TMEM132D: variants seen among roughly 807,000 people sequenced by gnomAD.
TMEM132D encodes transmembrane protein 132D.
Under a neutral mutation model 62.3 loss-of-function variants are expected in TMEM132D, and 21 were observed. The observed-to-expected ratio is 0.34, with a 90% CI of 0.24 to 0.49. TMEM132D has a LOEUF of 0.49. Ranked by LOEUF, TMEM132D falls within the 20% of genes least tolerant of loss-of-function variation. TMEM132D has a pLI of 0.99. For synonymous variants in TMEM132D, 621 were observed against 575.6 expected, an observed-to-expected ratio of 1.08 and a Z score of -1.13; for missense variants, 1,346 against 1,402.8, an observed-to-expected ratio of 0.96 and a Z score of 0.65.
rs563949904 is a variant in TMEM132D, at chr12:129,776,077, A to C, written c.80-75379T>G. On this transcript the variant is annotated intron_variant, in intron 1 of 8. Transcript: ENST00000422113. ...AATATTGTGTCGTGCTGGTGATTTC[A>C]ACCGAATAATTCCAGGAAGGCTGGA... 5.9e-5 allele frequency among the ~76,000 whole-genome samples: 9 copies of C among 152,272 alleles called. No homozygotes were observed. In the South Asian group the frequency reaches 1.9e-3, roughly 32 times the overall value.
chr12:129,406,060 TTCA>T (rs1473812750), intron 3 of TMEM132D, among the ~76,000 whole-genome samples: 2 of 152,220 alleles, frequency 1.3e-5, no homozygotes, highest in Non-Finnish European at 2.9e-5. Context: ...TAAACACACA[TTCA>T]TTTCATGATG....
intron 5 of TMEM132D, among the ~76,000 whole-genome samples, chr12:129,161,991 T>G (rs1877412930): frequency 6.6e-6 from 1 of 152,176 alleles, no homozygotes; most frequent in South Asian, 2.1e-4. Flanking sequence ...CCTGACAATT[T>G]TGTTGGGAAA....
chr12:129,111,767 A>G (rs1206070847), intron 5 of TMEM132D: 1 of 152,206 alleles, frequency 6.6e-6, no homozygotes, highest in African/African-American at 2.4e-5. Context: ...TCTTTGCTTA[A>G]TATCTAGCAA....
intron 5 of TMEM132D, among the ~76,000 whole-genome samples, chr12:129,144,574 C>T (rs1471916353): frequency 6.6e-6 from 1 of 152,188 alleles, no homozygotes; most frequent in Non-Finnish European, 1.5e-5. Context: ...TGGGACCATC[C>T]AGCCCTAGCT....
At chr12:129,171,698 G>A (rs184810452) in intron 5 of TMEM132D, among the ~76,000 whole-genome samples, 2 of 152,340 alleles carry the variant, frequency 1.3e-5, no homozygotes, top group East Asian at 3.9e-4. Context: ...CTTGGGCGAT[G>A]AGGTGCATTG....
chr12:129,387,687 C>A (rs1871150962), intron 3 of TMEM132D, among the ~76,000 whole-genome samples: 1 of 152,146 alleles, frequency 6.6e-6, no homozygotes, highest in Non-Finnish European at 1.5e-5. Flanking sequence ...CCAATACTAA[C>A]ACCAACACCA....
intron 3 of TMEM132D, among the ~76,000 whole-genome samples, chr12:129,475,266 T>C (rs905043656): frequency 6.6e-6 from 1 of 152,152 alleles, no homozygotes; most frequent in Non-Finnish European, 1.5e-5. Flanking sequence ...AGCTGGATGT[T>C]TCTGGAACCA....
chr12:129,114,897 T>C (rs1875848579), intron 5 of TMEM132D, among the ~76,000 whole-genome samples: 1 of 152,254 alleles, frequency 6.6e-6, no homozygotes, highest in South Asian at 2.1e-4. Context: ...TGCGTGAATA[T>C]ACCACAATTT....
intron 2 of TMEM132D, among the ~76,000 whole-genome samples, chr12:129,633,618 A>C (rs949590583): frequency 1.3e-5 from 2 of 152,124 alleles, no homozygotes; most frequent in Non-Finnish European, 2.9e-5. Context: ...GCTCTTTGGG[A>C]ATTTAAGTAC....
At chr12:129,237,623 T>G (rs1014122827) in intron 4 of TMEM132D, among the ~76,000 whole-genome samples, 1 of 152,204 alleles carries the variant, frequency 6.6e-6, no homozygotes, top group Admixed American at 6.5e-5. Context: ...TTTTTAAAAC[T>G]GTATTGGTAT....
chr12:129,406,840 C>A (rs1246091378), intron 3 of TMEM132D, among the ~76,000 whole-genome samples: 1 of 152,164 alleles, frequency 6.6e-6, no homozygotes. Flanking sequence ...ATAGCCTGTA[C>A]GCCCAGCAGA....
At chr12:129,261,404 G>A (rs112179715) in intron 4 of TMEM132D, among the ~76,000 whole-genome samples, 2,851 of 152,272 alleles carry the variant, frequency 0.019, 40 homozygotes, top group Non-Finnish European at 0.03. Context: ...TCATTTCCCT[G>A]CACATGCTCT....
At chr12:129,092,429 G>A (rs1242868993) in intron 5 of TMEM132D, among the ~76,000 whole-genome samples, 1 of 151,398 alleles carries the variant, frequency 6.6e-6, no homozygotes, top group African/African-American at 2.4e-5. Context: ...AAGTTAGGTA[G>A]CACCTTTTTG....
At chr12:129,103,075 C>T (rs1875367749) in intron 5 of TMEM132D, among the ~76,000 whole-genome samples, 1 of 152,190 alleles carries the variant, frequency 6.6e-6, no homozygotes, top group Admixed American at 6.5e-5. Flanking sequence ...ATCCACCCTT[C>T]CATGCTCTGT....
intron 5 of TMEM132D, among the ~76,000 whole-genome samples, chr12:129,194,383 C>T (rs182042329): frequency 2.0e-5 from 3 of 152,290 alleles, no homozygotes; most frequent in South Asian, 2.1e-4. Flanking sequence ...TGCATGTTCT[C>T]ACTTATAAGT....
At chr12:129,686,931 G>A (rs866193916) in intron 2 of TMEM132D, among the ~76,000 whole-genome samples, 1 of 152,208 alleles carries the variant, frequency 6.6e-6, no homozygotes, top group South Asian at 2.1e-4. Context: ...CACGCTTTTC[G>A]GGTTTTTCCT....
chr12:129,575,488 C>G (rs150587204), intron 2 of TMEM132D, among the ~76,000 whole-genome samples: 1 of 151,858 alleles, frequency 6.6e-6, no homozygotes, highest in Non-Finnish European at 1.5e-5. Context: ...ATTACCGGGG[C>G]CGGTTGGTAA....
intron 3 of TMEM132D, among the ~76,000 whole-genome samples, chr12:129,444,632 GC>G (rs1254445606): frequency 6.6e-6 from 1 of 151,984 alleles, no homozygotes; most frequent in African/African-American, 2.4e-5. Context: ...CCTCTGACAG[GC>G]CCCAGTTGTG....
chr12:129,700,839 C>G, intron 1 of TMEM132D, 141 bp from the exon 2 acceptor site: 1 of 925,972 alleles, frequency 1.1e-6, no homozygotes, highest in Non-Finnish European at 1.5e-6. Context: ...ACCTCTTAAT[C>G]CAATCTACTC....
Sources: allele counts gnomAD v4.1 joint callset (sites outside exome capture counted in the v4.1 genomes callset), GRCh38; gene constraint gnomAD v4.1.1; transcripts MANE v1.5; gene names NCBI Gene and HGNC (gene_info 2026-07-23, HGNC 2026-07-21).